DNAH3: variants seen among roughly 807,000 people sequenced by gnomAD.
DNAH3 encodes the protein dynein axonemal heavy chain 3, also known as axonemal beta dynein heavy chain 3.
In DNAH3, 332 loss-of-function variants were observed where a neutral mutation model predicts 432.5. That is an observed-to-expected ratio of 0.77 (90% CI 0.70 to 0.84). The LOEUF (loss-of-function observed/expected upper bound fraction) is 0.84. Ranked by LOEUF, DNAH3 falls within the 40% of genes least tolerant of loss-of-function variation. DNAH3 has a pLI of 0.00. For missense variants in DNAH3, 4,861 were observed against 5,114.0 expected, an observed-to-expected ratio of 0.95 and a Z score of 1.51; for synonymous variants, 1,956 against 1,900.2, an observed-to-expected ratio of 1.03 and a Z score of -0.76.
At chr16:21,076,029 C>A (rs2090963657) in intron 20 of DNAH3, among the ~76,000 whole-genome samples, 1 of 151,662 alleles carries the variant, frequency 6.6e-6, no homozygotes, top group Admixed American at 6.6e-5. Flanking sequence ...GATCTGCCAG[C>A]TACCGCCAGT....
At chr16:21,113,732 T>C (rs561530169) in intron 12 of DNAH3, among the ~76,000 whole-genome samples, 77 of 152,332 alleles carry the variant, frequency 5.1e-4, no homozygotes, top group African/African-American at 1.7e-3. Context: ...GTGCTAGGAT[T>C]ACAGGCATGC....
At position 20,958,050 on chromosome 16, in the gene DNAH3, A is replaced by G. The variant is rs570374383; in HGVS notation, c.10826+1129T>C. Among the ~76,000 whole-genome samples, 424 of 151,670 alleles carry G rather than the reference A, an allele frequency of 2.8e-3. 1 individual carries two copies. The highest frequency in any genetic ancestry group is 9.8e-3 in the African/African-American group (405 of 41,392). On this transcript the variant is annotated intron_variant, in intron 54 of 61. Coordinates refer to ENST00000261383, the Ensembl canonical transcript of DNAH3. ...AGGCAGGAGGCGGGAGGCAGGACAA[A>G]TGATACCTGGAAAACAGTAGAATTT... is the stretch of plus-strand genomic sequence containing the variant.
chr16:21,126,898 C>T (rs918628364), intron 8 of DNAH3, among the ~76,000 whole-genome samples: 1 of 151,944 alleles, frequency 6.6e-6, no homozygotes, highest in Non-Finnish European at 1.5e-5. Context: ...TCACTGTCTC[C>T]CATCACCTTC....
chr16:21,131,854 CA>C (rs528482208), intron 7 of DNAH3, among the ~76,000 whole-genome samples: 4,464 of 67,610 alleles, frequency 0.066, 137 homozygotes, highest in African/African-American at 0.21. Context: ...AACTCCATCT[CA>C]AAAAAAAAAA....
intron 37 of DNAH3, among the ~76,000 whole-genome samples, chr16:21,028,426 C>T (rs1028936424): frequency 2.7e-4 from 41 of 149,876 alleles, no homozygotes; most frequent in African/African-American, 9.1e-4. Context: ...TTTGGGAGGC[C>T]GAGGAAGGCA....
chr16:20,985,630 C>T, exon 48 of DNAH3: 1 of 1,614,198 alleles, frequency 6.2e-7, no homozygotes, highest in Non-Finnish European at 8.5e-7. Flanking sequence ...TTTTTGGTCA[C>T]TTTCTGGCTT....
Position 21,150,285 on chromosome 16 carries a change from C to T in DNAH3, c.118-4197G>A. On this transcript the variant is annotated intron_variant, in intron 1 of 61. Transcript: ENST00000261383. The stretch of plus-strand genomic sequence containing the variant: ...AACAAGAAACGTCTTAAAATTCACA[C>T]CTACCTTCTGAGATGAGCAATCCAT... The T allele has an allele frequency of 2.2e-6, 1 of 453,166 alleles. No homozygotes were observed. The highest frequency in any genetic ancestry group is 1.6e-5 in the South Asian group (1 of 63,676). 28.1% of individuals were successfully genotyped at this position (453,166 alleles called of 1,614,324 possible).
Position 20,952,417 on chromosome 16 carries a change from C to T in DNAH3, c.11188+16G>A. ...ATACTGGAGGTTTACAGTGGAAAAA[C>T]TCCTCCCGTAAATACCTGTCAGGTA... On this transcript the variant is annotated intron_variant, in intron 56 of 61. Transcript: ENST00000261383. 6.6e-7 allele frequency: 1 copy of T among 1,519,950 alleles called. No homozygotes were observed. Among genetic ancestry groups the T allele is most frequent in the Non-Finnish European group, 9.1e-7 (1 of 1,094,754 alleles). The allele number at this position is 1,519,950 out of a possible 1,614,324, so 94.2% of individuals were successfully genotyped here. A position where few individuals can be genotyped will look rare whatever the true frequency, so the allele number is the denominator to read the frequency against.
At chr16:21,093,442 A>G (rs1371191298) in intron 18 of DNAH3, among the ~76,000 whole-genome samples, 1 of 152,212 alleles carries the variant, frequency 6.6e-6, no homozygotes, top group African/African-American at 2.4e-5. Context: ...AAATAATTGA[A>G]GAGATGTAAA....
At chr16:21,049,212 C>T (rs1187217594) in intron 31 of DNAH3, among the ~76,000 whole-genome samples, 1 of 152,158 alleles carries the variant, frequency 6.6e-6, no homozygotes, top group Non-Finnish European at 1.5e-5. Context: ...GATCCTCCCA[C>T]CTTGGCCTCC....
chr16:21,000,480 C>T, exon 43 of DNAH3: 2 of 1,612,760 alleles, frequency 1.2e-6, no homozygotes, highest in Non-Finnish European at 8.5e-7. Context: ...AGAAGGACTG[C>T]CGGGCTGTCT....
intron 18 of DNAH3, 82 bp downstream of exon 18, chr16:21,097,273 G>C: frequency 6.5e-7 from 1 of 1,540,238 alleles, no homozygotes; most frequent in Non-Finnish European, 8.9e-7. Flanking sequence ...AGATTCTTAA[G>C]TGCAAACCAT....
chr16:21,012,394 C>T (rs2087645174), intron 41 of DNAH3, among the ~76,000 whole-genome samples: 1 of 152,068 alleles, frequency 6.6e-6, no homozygotes, highest in African/African-American at 2.4e-5. Flanking sequence ...AACAAACTAC[C>T]ACTTTATATA....
At chr16:21,131,480 A>G (rs1283055814) in intron 7 of DNAH3, among the ~76,000 whole-genome samples, 27 of 896 alleles carry the variant, frequency 0.03, no homozygotes, top group Non-Finnish European at 0.049. Context: ...AGGAAGGAAG[A>G]AAGAAAAGAA....
chr16:21,026,069 G>A (rs2088538655), intron 38 of DNAH3, among the ~76,000 whole-genome samples: 1 of 152,054 alleles, frequency 6.6e-6, no homozygotes, highest in African/African-American at 2.4e-5. Context: ...CATTTGGGCT[G>A]TTTCCAAGTG....
At chr16:21,099,762 A>G (rs1311937433) in intron 16 of DNAH3, among the ~76,000 whole-genome samples, 7 of 152,242 alleles carry the variant, frequency 4.6e-5, no homozygotes, top group African/African-American at 9.6e-5. Flanking sequence ...TAGTCAATAC[A>G]TAAGTGTTTG....
chr16:20,979,373 C>A (rs1244898567), exon 50 of DNAH3: 1 of 1,613,976 alleles, frequency 6.2e-7, no homozygotes, highest in Admixed American at 1.7e-5. Flanking sequence ...TGTCAGGTAG[C>A]GGTTCCTCAT....
intron 59 of DNAH3, 116 bp from the exon 60 acceptor site, chr16:20,936,969 AG>A: frequency 1.3e-6 from 1 of 796,402 alleles, no homozygotes; most frequent in Non-Finnish European, 2.0e-6. Flanking sequence ...TCATTAAATG[AG>A]GAAAAATTAA....
intron 52 of DNAH3, among the ~76,000 whole-genome samples, chr16:20,969,346 T>C (rs1046394721): frequency 2.6e-5 from 4 of 152,098 alleles, no homozygotes; most frequent in African/African-American, 9.7e-5. Context: ...GGGTCTCCAT[T>C]TATTTTTCAG....
Sources: allele counts gnomAD v4.1 joint callset (sites outside exome capture counted in the v4.1 genomes callset), GRCh38; gene constraint gnomAD v4.1.1; transcripts MANE v1.5; gene names NCBI Gene and HGNC (gene_info 2026-07-23, HGNC 2026-07-21).